Variants in STX8 observed in about 807,000 individuals in gnomAD.
The protein encoded by STX8 is syntaxin 8, also known as syntaxin-8.
STX8 carries 23 observed loss-of-function variants against 37.5 expected under a neutral mutation model. That is an observed-to-expected ratio of 0.61 (90% CI 0.44 to 0.87). STX8 has a LOEUF of 0.87. Among genes scored for constraint, STX8 ranks in the 40% least tolerant of loss-of-function variants. The pLI is 0.00. For missense variants in STX8, 313 were observed against 284.7 expected (o/e 1.10, Z -0.71); for synonymous variants, 115 against 99.1 (o/e 1.16, Z -0.95).
intron 7 of STX8, among the ~76,000 whole-genome samples, chr17:9,350,306 A>C (rs1368408353): frequency 1.3e-5 from 2 of 152,190 alleles, no homozygotes; most frequent in African/African-American, 4.8e-5. Context: ...AAAACTTATG[A>C]ATTGTTTACT....
At chr17:9,349,853 C>A (rs955214543) in intron 7 of STX8, among the ~76,000 whole-genome samples, 3 of 152,096 alleles carry the variant, frequency 2.0e-5, no homozygotes, top group Non-Finnish European at 4.4e-5. Context: ...CTGCCTCAGC[C>A]TCCCTGGTAG....
At position 9,430,107 on chromosome 17, in the gene STX8, T is replaced by TATATAATATATATATTC. The variant is rs1567557394; in HGVS notation, c.542-51455_542-51454insGAATATATATATTATAT. Among the ~76,000 whole-genome samples the TATATAATATATATATTC allele has an allele frequency of 1.3e-3, 112 of 85,528 alleles. 4 individuals carry two copies. Among genetic ancestry groups the TATATAATATATATATTC allele is most frequent in the African/African-American group, 5.7e-3 (103 of 18,110 alleles). 56.1% of individuals were successfully genotyped at this position (85,528 alleles called of 152,430 possible). On this transcript the variant is annotated intron_variant, in intron 6 of 7. Coordinates refer to ENST00000306357, the MANE Select transcript of STX8 (RefSeq NM_004853.3). Reference sequence around the variant, plus strand: ...ATATATTCTATATAATATATATATTTTATATATAAATAAATATAAATATAA... The same window carrying TATATAATATATATATTC: ...ATATATTCTATATAATATATATATTTATATAATATATATATTCTATATATAAATAAATATAAATATAA...
intron 7 of STX8, among the ~76,000 whole-genome samples, chr17:9,345,563 A>G (rs988441716): frequency 6.6e-6 from 1 of 152,126 alleles, no homozygotes; most frequent in Admixed American, 6.6e-5. Context: ...ACAAAGATAT[A>G]TTTTTAAAAT....
intron 6 of STX8, among the ~76,000 whole-genome samples, chr17:9,436,035 C>G (rs1904417863): frequency 6.6e-6 from 1 of 152,140 alleles, no homozygotes; most frequent in African/African-American, 2.4e-5. Context: ...TATAATCCAT[C>G]TAGCTAAATG....
At chr17:9,568,667 AT>A in intron 1 of STX8, among the ~76,000 whole-genome samples, 197 bp from the exon 2 acceptor site, 1 of 151,982 alleles carries the variant, frequency 6.6e-6, no homozygotes, top group Non-Finnish European at 1.5e-5. Flanking sequence ...TGCCTGGCTA[AT>A]TTTTTGTATT....
intron 7 of STX8, among the ~76,000 whole-genome samples, chr17:9,327,579 C>T (rs957883699): frequency 2.0e-5 from 3 of 152,050 alleles, no homozygotes; most frequent in African/African-American, 7.2e-5. Flanking sequence ...TCTTCCTGGT[C>T]TCTCTGTGTG....
chr17:9,455,678 T>C (rs1468691111), intron 6 of STX8, among the ~76,000 whole-genome samples: 2 of 151,966 alleles, frequency 1.3e-5, no homozygotes, highest in Non-Finnish European at 2.9e-5. Flanking sequence ...AACAGTAAGA[T>C]TTTGACTATG....
chr17:9,297,190 C>A (rs1908585644), intron 7 of STX8, among the ~76,000 whole-genome samples: 1 of 137,586 alleles, frequency 7.3e-6, no homozygotes, highest in African/African-American at 2.8e-5. Flanking sequence ...TAGAGATGTT[C>A]AAACCTTGTA....
chr17:9,570,390 A>G (rs1296271572), intron 1 of STX8, among the ~76,000 whole-genome samples: 1 of 152,120 alleles, frequency 6.6e-6, no homozygotes, highest in Non-Finnish European at 1.5e-5. Context: ...ACTGTAAAGC[A>G]GCACCATTCA....
At chr17:9,312,203 T>G (rs562898001) in intron 7 of STX8, among the ~76,000 whole-genome samples, 17 of 150,822 alleles carry the variant, frequency 1.1e-4, no homozygotes, top group Middle Eastern at 3.5e-3. Context: ...CTCTTTTTTT[T>G]TTTGTTTTTT....
intron 7 of STX8, among the ~76,000 whole-genome samples, chr17:9,310,706 A>C (rs1278741449): frequency 1.3e-5 from 2 of 152,086 alleles, no homozygotes; most frequent in African/African-American, 4.8e-5. Flanking sequence ...TAGTAAGGCT[A>C]TTCCAATTTT....
chr17:9,458,299 A>G (rs989323474), intron 6 of STX8, among the ~76,000 whole-genome samples: 3 of 150,994 alleles, frequency 2.0e-5, no homozygotes, highest in Non-Finnish European at 1.5e-5. Context: ...ACAGGCGACC[A>G]CTGCCACGCC....
chr17:9,487,508 T>G (rs948379585), intron 6 of STX8, among the ~76,000 whole-genome samples: 1 of 152,130 alleles, frequency 6.6e-6, no homozygotes, highest in Non-Finnish European at 1.5e-5. Flanking sequence ...TTTTTTATCC[T>G]CAGAGAGTCT....
intron 4 of STX8, among the ~76,000 whole-genome samples, chr17:9,541,743 T>TCA (rs201243312): frequency 0.011 from 1,684 of 152,288 alleles, 33 homozygotes; most frequent in African/African-American, 0.038. Context: ...CCTCTGAGCC[T>TCA]GTTTCTCTTC....
chr17:9,444,945 G>A (rs550264032), intron 6 of STX8, among the ~76,000 whole-genome samples: 6 of 152,168 alleles, frequency 3.9e-5, no homozygotes, highest in Admixed American at 1.3e-4. Context: ...AACACAGATT[G>A]ATCACCAGCT....
intron 7 of STX8, among the ~76,000 whole-genome samples, chr17:9,311,909 G>A (rs1214501152): frequency 6.6e-6 from 1 of 151,780 alleles, no homozygotes; most frequent in Non-Finnish European, 1.5e-5. Context: ...GTGCAGCAGC[G>A]TGATCTTGGC....
intron 7 of STX8, among the ~76,000 whole-genome samples, chr17:9,300,848 T>C (rs1345155452): frequency 1.4e-5 from 2 of 144,870 alleles, no homozygotes; most frequent in East Asian, 3.9e-4. Context: ...TTTTTTTTTT[T>C]TTTTGAGACG....
intron 7 of STX8, among the ~76,000 whole-genome samples, chr17:9,290,785 A>G (rs1037844109): frequency 6.6e-6 from 1 of 152,190 alleles, no homozygotes. Context: ...TGCTACCAAA[A>G]GCTCCTGTTT....
At chr17:9,341,121 A>G (rs972939284) in intron 7 of STX8, among the ~76,000 whole-genome samples, 1 of 151,992 alleles carries the variant, frequency 6.6e-6, no homozygotes, top group South Asian at 2.1e-4. Context: ...GAAAGTCGAA[A>G]TTAAGCAATT....
Sources: gnomAD v4.1 joint callset for allele counts (sites outside exome capture counted in the v4.1 genomes callset) on GRCh38, gnomAD v4.1.1 for gene constraint, MANE v1.5 for transcripts, NCBI Gene and HGNC (gene_info 2026-07-23, HGNC 2026-07-21) for gene names.